MYO1H: variants seen among roughly 807,000 people sequenced by gnomAD.
The protein encoded by MYO1H is myosin IH.
Under a neutral mutation model 149.3 loss-of-function variants are expected in MYO1H, and 118 were observed. The ratio of observed to expected loss-of-function variants is 0.79; its 90% CI spans 0.68 to 0.92. MYO1H has a LOEUF of 0.92. MYO1H is among the 40% of genes least tolerant of loss of function. The pLI is 0.00. For missense variants in MYO1H, 1,212 were observed against 1,280.7 expected, an observed-to-expected ratio of 0.95 and a Z score of 0.82; for synonymous variants, 447 against 465.2, an observed-to-expected ratio of 0.96 and a Z score of 0.50.
chr12:109,354,885 T>G (rs1868553729), intron 1 of MYO1H, among the ~76,000 whole-genome samples: 1 of 152,176 alleles, frequency 6.6e-6, no homozygotes, highest in East Asian at 1.9e-4. Context: ...CTTTTACACA[T>G]TTGAGATTAG....
chr12:109,399,728 A>G (rs1042787232), intron 5 of MYO1H, among the ~76,000 whole-genome samples: 4 of 152,110 alleles, frequency 2.6e-5, no homozygotes, highest in African/African-American at 9.7e-5. Flanking sequence ...CCTGGGCAAC[A>G]TAGTGAGACC....
At chr12:109,313,045 G>A in the MYO1H span, among the ~76,000 whole-genome samples, 6 of 152,132 alleles carry the variant, frequency 3.9e-5, no homozygotes, top group Admixed American at 3.3e-4. Context: ...TTCGAGACCA[G>A]CCTGAGCAAC....
chr12:109,310,495 C>T, the MYO1H span, among the ~76,000 whole-genome samples: 3 of 152,218 alleles, frequency 2.0e-5, no homozygotes, highest in East Asian at 1.9e-4. Flanking sequence ...TGGACCTCTG[C>T]GCCGCCCCCA....
the MYO1H span, among the ~76,000 whole-genome samples, chr12:109,313,504 G>T: frequency 6.6e-6 from 1 of 152,198 alleles, no homozygotes; most frequent in Admixed American, 6.5e-5. Flanking sequence ...ATATGTGTAT[G>T]ATCATTCTTT....
rs552572635 is a variant in MYO1H, at chr12:109,424,877, G to A, written c.1725+49G>A. 5.9e-5 allele frequency: 86 copies of A among 1,453,968 alleles called. 1 individual carries two copies. In the East Asian group the frequency reaches 1.8e-3, roughly 30 times the overall value. The allele number at this position is 1,453,968 out of a possible 1,614,324, so 90.1% of individuals were successfully genotyped here. ...AAAATTGGATCTCACCAGAGGGTGAGATGACCACCAACTACCTACGCTTTT... is the reference window on the plus strand; with the variant it reads ...AAAATTGGATCTCACCAGAGGGTGAAATGACCACCAACTACCTACGCTTTT... On this transcript the variant is annotated intron_variant, in intron 17 of 31. Coordinates refer to ENST00000310903, the Ensembl canonical transcript of MYO1H.
chr12:109,446,778 A>T (rs910612230), intron 31 of MYO1H, among the ~76,000 whole-genome samples: 3 of 152,232 alleles, frequency 2.0e-5, no homozygotes, highest in Admixed American at 2.0e-4. Flanking sequence ...AAATAAAATC[A>T]TTTTGTAGAT....
At chr12:109,349,804 C>G (rs770595905) in intron 1 of MYO1H, among the ~76,000 whole-genome samples, 1 of 150,790 alleles carries the variant, frequency 6.6e-6, no homozygotes, top group Admixed American at 6.6e-5. Flanking sequence ...ACTAAAAATA[C>G]AAAAAAATTA....
the MYO1H span, among the ~76,000 whole-genome samples, chr12:109,326,473 C>T: frequency 6.7e-6 from 1 of 149,386 alleles, no homozygotes; most frequent in Non-Finnish European, 1.5e-5. Context: ...GAATTAGACT[C>T]TACCTTTTTT....
At chr12:109,373,857 C>A (rs1869038007) in intron 1 of MYO1H, among the ~76,000 whole-genome samples, 1 of 152,154 alleles carries the variant, frequency 6.6e-6, no homozygotes, top group African/African-American at 2.4e-5. Context: ...AGTGGTGGCA[C>A]ATACCTGTAA....
exon 4 of MYO1H, chr12:109,396,461 G>A (rs1321759317): frequency 6.2e-7 from 1 of 1,613,894 alleles, no homozygotes; most frequent in African/African-American, 1.3e-5. Flanking sequence ...TCTGGAGAGA[G>A]TGGGGCAGGG....
intron 6 of MYO1H, among the ~76,000 whole-genome samples, chr12:109,401,867 G>A (rs568389398): frequency 5.9e-5 from 9 of 151,896 alleles, no homozygotes; most frequent in South Asian, 4.2e-4. Context: ...AGCCTCCCAA[G>A]TAGCTAGGAC....
intron 1 of MYO1H, among the ~76,000 whole-genome samples, chr12:109,368,743 G>A (rs1868921618): frequency 2.0e-5 from 3 of 151,792 alleles, no homozygotes; most frequent in Admixed American, 1.3e-4. Flanking sequence ...TACACGTGCA[G>A]GTTTGTTACC....
chr12:109,316,762 C>T, the MYO1H span, among the ~76,000 whole-genome samples: 2,769 of 152,188 alleles, frequency 0.018, 329 homozygotes, highest in Admixed American at 0.16. Flanking sequence ...CTGGAGAATA[C>T]GGTGGAGGTC....
At chr12:109,369,370 A>T (rs1215592012) in intron 1 of MYO1H, among the ~76,000 whole-genome samples, 6 of 152,158 alleles carry the variant, frequency 3.9e-5, no homozygotes, top group Non-Finnish European at 2.9e-5. Context: ...ATCTTATGTG[A>T]TTTTGTCTGG....
At chr12:109,433,582 A>G (rs1871731816) in intron 20 of MYO1H, among the ~76,000 whole-genome samples, 1 of 152,138 alleles carries the variant, frequency 6.6e-6, no homozygotes, top group South Asian at 2.1e-4. Flanking sequence ...CAGCATGAAG[A>G]TCTATTCCCC....
chr12:109,416,741 A>C (rs1566034829), intron 15 of MYO1H, among the ~76,000 whole-genome samples: 1 of 152,180 alleles, frequency 6.6e-6, no homozygotes. Context: ...GTAATCCAGC[A>C]CTTTGGGAAG....
At chr12:109,375,390 C>T (rs188329555) in intron 1 of MYO1H, among the ~76,000 whole-genome samples, 6 of 151,942 alleles carry the variant, frequency 3.9e-5, no homozygotes, top group African/African-American at 1.2e-4. Context: ...TGGCCTCAAG[C>T]GATCTGCCCA....
At chr12:109,433,107 CTAGGGATTTATGGAGAT>C in intron 20 of MYO1H, 97 bp downstream of exon 20, 1 of 982,812 alleles carries the variant, frequency 1.0e-6, no homozygotes. Flanking sequence ...GACTCGATTC[CTAGGGATTTATGGAGAT>C]TTGCGAGATT....
upstream of MYO1H, among the ~76,000 whole-genome samples, chr12:109,345,076 A>C (rs2048098562): frequency 6.6e-6 from 1 of 152,146 alleles, no homozygotes. Flanking sequence ...AAAACACAAG[A>C]AACCAAAGGT....
Sources: gnomAD v4.1 joint callset for allele counts (sites outside exome capture counted in the v4.1 genomes callset) on GRCh38, gnomAD v4.1.1 for gene constraint, MANE v1.5 for transcripts, NCBI Gene and HGNC (gene_info 2026-07-23, HGNC 2026-07-21) for gene names.